Variants in JARID2 observed in about 807,000 individuals in gnomAD.
The protein encoded by JARID2 is protein Jumonji.
JARID2 carries 21 observed loss-of-function variants against 125.6 expected under a neutral mutation model. The ratio of observed to expected loss-of-function variants is 0.17; its 90% CI spans 0.12 to 0.24. JARID2 has a LOEUF of 0.24. JARID2 is among the 10% of genes least tolerant of loss of function. The pLI is 1.00. For synonymous variants in JARID2, 736 were observed against 661.6 expected (o/e 1.11, Z -1.73); for missense variants, 1,303 against 1,639.6 (o/e 0.79, Z 3.55).
chr6:15,302,799 A>G (rs538075736), intron 1 of JARID2, among the ~76,000 whole-genome samples: 39 of 152,176 alleles, frequency 2.6e-4, no homozygotes, highest in African/African-American at 8.7e-4. Context: ...CAATGGCGTG[A>G]TCTTGGCTCA....
chr6:15,371,740 G>C (rs901002366), intron 1 of JARID2, among the ~76,000 whole-genome samples: 3 of 152,170 alleles, frequency 2.0e-5, no homozygotes, highest in Non-Finnish European at 2.9e-5. Context: ...GCAGTAGCAG[G>C]TTAGAAATTG....
intron 1 of JARID2, among the ~76,000 whole-genome samples, chr6:15,323,987 C>T (rs1238413029): frequency 2.0e-5 from 3 of 151,520 alleles, no homozygotes; most frequent in East Asian, 1.9e-4. Context: ...TCGAGACCAT[C>T]CTGGCTAACA....
At chr6:15,511,452 C>A in intron 13 of JARID2, 51 bp downstream of exon 13, 1 of 1,227,892 alleles carries the variant, frequency 8.1e-7, no homozygotes, top group Non-Finnish European at 1.2e-6. Flanking sequence ...ACCTCCTAGG[C>A]ACTTGAACAT....
intron 1 of JARID2, among the ~76,000 whole-genome samples, chr6:15,256,015 T>C (rs1451486541): frequency 6.6e-6 from 1 of 152,160 alleles, no homozygotes; most frequent in East Asian, 1.9e-4. Flanking sequence ...CGCTGAGCTA[T>C]TTCCTCATCT....
At chr6:15,320,127 C>T (rs1032070288) in intron 1 of JARID2, among the ~76,000 whole-genome samples, 15 of 152,218 alleles carry the variant, frequency 9.9e-5, no homozygotes, top group Admixed American at 2.6e-4. Flanking sequence ...GTGAGCCGAT[C>T]AGCTTCTGAT....
At chr6:15,315,610 C>A (rs1054276648) in intron 1 of JARID2, among the ~76,000 whole-genome samples, 6 of 152,072 alleles carry the variant, frequency 3.9e-5, no homozygotes, top group African/African-American at 1.4e-4. Flanking sequence ...GAGATACGGT[C>A]AAAAAAGTGA....
chr6:15,447,431 G>A (rs540111874), intron 3 of JARID2, among the ~76,000 whole-genome samples: 3 of 152,234 alleles, frequency 2.0e-5, no homozygotes, highest in South Asian at 2.1e-4. Context: ...TCCGTGGTGC[G>A]TGTGAAGGAC....
At chr6:15,273,713 A>G (rs1278199048) in intron 1 of JARID2, among the ~76,000 whole-genome samples, 1 of 152,208 alleles carries the variant, frequency 6.6e-6, no homozygotes. Context: ...AAAAACAAAC[A>G]AACAAGCAAA....
chr6:15,341,376 G>A (rs1279837566), intron 1 of JARID2, among the ~76,000 whole-genome samples: 1 of 152,144 alleles, frequency 6.6e-6, no homozygotes, highest in African/African-American at 2.4e-5. Flanking sequence ...CAAATGTAAG[G>A]TCTAGAAGCA....
intron 2 of JARID2, among the ~76,000 whole-genome samples, chr6:15,375,261 G>A (rs1764309228): frequency 1.3e-5 from 2 of 152,174 alleles, no homozygotes; most frequent in Non-Finnish European, 2.9e-5. Context: ...AGTTTCCTGA[G>A]ATGACCTCTC....
At position 15,385,594 on chromosome 6, in the gene JARID2, C is replaced by T. The variant is rs972846268; in HGVS notation, c.181+11342C>T. On this transcript the variant is annotated intron_variant, in intron 2 of 17. Transcript: ENST00000341776. Reference sequence around the variant, plus strand: ...GTGTCTAGCCACATTAGATTGTAAGCGCTTTGAGAGGAAAATTCATTTGTG... The same window carrying T: ...GTGTCTAGCCACATTAGATTGTAAGTGCTTTGAGAGGAAAATTCATTTGTG... 6.3e-4 allele frequency among the ~76,000 whole-genome samples: 95 copies of T among 151,568 alleles called. 1 individual carries two copies. The highest frequency in any genetic ancestry group is 1.2e-4 in the African/African-American group (5 of 41,240).
chr6:15,368,895 A>G (rs985008005), intron 1 of JARID2, among the ~76,000 whole-genome samples: 10 of 151,992 alleles, frequency 6.6e-5, no homozygotes, highest in African/African-American at 1.7e-4. Context: ...ACCGTGTACC[A>G]GAATCATCTG....
At chr6:15,475,677 G>T (rs951599732) in intron 5 of JARID2, among the ~76,000 whole-genome samples, 2 of 152,194 alleles carry the variant, frequency 1.3e-5, no homozygotes, top group African/African-American at 4.8e-5. Flanking sequence ...AGCAAAACAC[G>T]AGCTGTGCTT....
intron 1 of JARID2, among the ~76,000 whole-genome samples, chr6:15,258,007 A>G (rs981309543): frequency 2.6e-5 from 4 of 152,204 alleles, no homozygotes; most frequent in African/African-American, 9.6e-5. Context: ...TCTTATTCTT[A>G]TATGTATGAA....
At chr6:15,247,817 T>A in intron 1 of JARID2, 1 of 985,444 alleles carries the variant, frequency 1.0e-6, no homozygotes, top group Non-Finnish European at 1.2e-6. Context: ...CTTAGAAAGC[T>A]GTTCCATAAA....
chr6:15,268,260 T>C (rs1348688281), intron 1 of JARID2, among the ~76,000 whole-genome samples: 2 of 152,198 alleles, frequency 1.3e-5, no homozygotes, highest in Non-Finnish European at 1.5e-5. Flanking sequence ...CTTTGTGAAC[T>C]TTTGCTGTTG....
chr6:15,480,579 A>G (rs796645252), intron 5 of JARID2, among the ~76,000 whole-genome samples: 12 of 152,370 alleles, frequency 7.9e-5, no homozygotes, highest in African/African-American at 2.6e-4. Flanking sequence ...CAGCTTTGTC[A>G]GCTTTCTCTA....
chr6:15,248,473 GGGCGCGC>G (rs1232444025), intron 1 of JARID2: 2 of 144,260 alleles, frequency 1.4e-5, no homozygotes, highest in Non-Finnish European at 3.1e-5. Flanking sequence ...GCCGGGGAGG[GGGCGCGC>G]GGCGCACAGC....
At position 15,509,228 on chromosome 6, in the gene JARID2, C is replaced by T. The variant is rs1296583054; in HGVS notation, c.2846+774C>T. 7.4e-6 allele frequency: 9 copies of T among 1,209,014 alleles called. No homozygotes were observed. The Admixed American group carries it at 9.3e-5, about 13-fold the overall frequency. 74.9% of individuals were successfully genotyped at this position (1,209,014 alleles called of 1,614,324 possible). A position where few individuals can be genotyped will look rare whatever the true frequency, so the allele number is the denominator to read the frequency against. On this transcript the variant is annotated intron_variant, in intron 12 of 17. Transcript: ENST00000341776. The stretch of plus-strand genomic sequence containing the variant: ...GACTCTTTGGTGTCTTTGTTTACGG[C>T]GGCAGATGGGAAATGACTACAAATA...
Sources: gnomAD v4.1 joint callset for allele counts (sites outside exome capture counted in the v4.1 genomes callset) on GRCh38, gnomAD v4.1.1 for gene constraint, MANE v1.5 for transcripts, NCBI Gene and HGNC (gene_info 2026-07-23, HGNC 2026-07-21) for gene names.